Variants in CYP3A5 observed in about 807,000 individuals in gnomAD.
CYP3A5 encodes the protein cytochrome P450 3A5.
Under a neutral mutation model 55.9 loss-of-function variants are expected in CYP3A5, and 51 were observed. That is an observed-to-expected ratio of 0.91 (90% CI 0.73 to 1.15). The LOEUF is 1.15. Among genes scored for constraint, CYP3A5 ranks in the 50% most tolerant of loss-of-function variants. The pLI, the probability that CYP3A5 is intolerant of heterozygous loss-of-function variation, is 0.00. For missense variants in CYP3A5, 533 were observed against 596.6 expected, an observed-to-expected ratio of 0.89 and a Z score of 1.11; for synonymous variants, 196 against 213.9, an observed-to-expected ratio of 0.92 and a Z score of 0.73.
rs775307047 is a variant in CYP3A5 at position 99,679,898 on chromosome 7, G to T, written c.-2C>A. 6.2e-7 allele frequency: 1 copy of T among 1,613,628 alleles called. No homozygotes were observed. The highest frequency in any genetic ancestry group is 8.5e-7 in the Non-Finnish European group (1 of 1,179,600). On this transcript the variant is annotated 5_prime_UTR_variant, in exon 1 of 13. Transcript: ENST00000222982. Reference sequence around the variant, plus strand: ...CGCCAAATTTGGGATGAGGTCCATCGCCACTTTCCTTCTTCAACTGTGTTC... The same window carrying T: ...CGCCAAATTTGGGATGAGGTCCATCTCCACTTTCCTTCTTCAACTGTGTTC...
At position 99,676,039 on chromosome 7, in the gene CYP3A5, A is replaced by AG. The variant is rs906726194; in HGVS notation, c.165+75dup. Reference sequence around the variant, plus strand: ...GAAACCTCAGAACTCCCTCCCAAGGAGGGGCATTTTTACTGATGGAACTAA... The same window carrying AG: ...GAAACCTCAGAACTCCCTCCCAAGGAGGGGGCATTTTTACTGATGGAACTAA... On this transcript the variant is annotated intron_variant, in intron 2 of 12. Coordinates refer to ENST00000222982, the MANE Select transcript of CYP3A5 (RefSeq NM_000777.5). The AG allele has an allele frequency of 6.7e-5, 85 of 1,277,142 alleles. No individual in the cohort carries two copies. The Admixed American group carries it at 1.5e-3, about 22-fold the overall frequency. The allele number at this position is 1,277,142 out of a possible 1,614,324, so 79.1% of individuals were successfully genotyped here. A position where few individuals can be genotyped will look rare whatever the true frequency, so the allele number is the denominator to read the frequency against.
intron 1 of CYP3A5, chr7:99,676,654 A>G (rs956801840): frequency 2.4e-6 from 2 of 841,062 alleles, no homozygotes; most frequent in African/African-American, 3.5e-5. Flanking sequence ...ACTCAATCAC[A>G]GAGGGTCACT....
rs1333610068 is a variant in CYP3A5, at chr7:99,679,964, C to T, written c.-68G>A. 1.4e-6 allele frequency: 2 copies of T among 1,411,506 alleles called. No homozygotes were observed. Among genetic ancestry groups the T allele is most frequent in the East Asian group, 4.6e-5 (2 of 43,864 alleles). The allele number at this position is 1,411,506 out of a possible 1,614,324, so 87.4% of individuals were successfully genotyped here. A position where few individuals can be genotyped will look rare whatever the true frequency, so the allele number is the denominator to read the frequency against. On this transcript the variant is annotated 5_prime_UTR_variant, in exon 1 of 13. Transcript: ENST00000222982. ...TAGCTGAGTGCTGCTGTTTGCTGGGCTGTTTGCCTGGAGCTTCCCTGCCCT... is the reference window on the plus strand; with the variant it reads ...TAGCTGAGTGCTGCTGTTTGCTGGGTTGTTTGCCTGGAGCTTCCCTGCCCT...
At position 99,660,658 on chromosome 7, in the gene CYP3A5, A is replaced by T; in HGVS notation, c.867T>A (p.Ala289=). ...QNSKETESHK[A]LSDLELAAQS... is the part of the protein sequence containing the mutation. ...GGGCTGCGAGCTCCAGATCAGACAG[A>T]GCTGAAAGGAGAGGAAAGACATTTT... The change falls in exon 10 of 13, where the codon GCT becomes GCA. Residue 289 remains alanine, a splice_region_variant and synonymous_variant. Coordinates refer to ENST00000222982, the MANE Select transcript of CYP3A5 (RefSeq NM_000777.5). The T allele has an allele frequency of 6.2e-7, 1 of 1,613,682 alleles. No individual in the cohort carries two copies. Among genetic ancestry groups the T allele is most frequent in the South Asian group, 1.1e-5 (1 of 91,066 alleles).
In CYP3A5 at chr7:99,650,097, G is replaced by T. The variant is rs1412080130; in HGVS notation, c.1389C>A (p.Ser463=). The part of the protein sequence containing the change: ...LALIRVLQNF[S]FKPCKETQIP... The stretch of plus-strand genomic sequence containing the variant: ...CCTGTGTTTCTTTACAAGGTTTGAA[G>T]GAGAAGTTCTGAAGGACTCTGATTA... Residue 463 remains serine, a synonymous_variant, in exon 12 of 13, where the codon TCC becomes TCA. Transcript: ENST00000222982. 1 of 1,614,006 alleles carries T rather than the reference G, an allele frequency of 6.2e-7. No individual in the cohort carries two copies. Among genetic ancestry groups the T allele is most frequent in the East Asian group, 2.2e-5 (1 of 44,892 alleles).
At chr7:99,658,416 C>T (rs1271762822) in intron 10 of CYP3A5, among the ~76,000 whole-genome samples, 2 of 152,182 alleles carry the variant, frequency 1.3e-5, no homozygotes, top group African/African-American at 4.8e-5. Context: ...GGCCCCCACT[C>T]TCTACTGGCT....
At chr7:99,648,606 A>G (rs1808851414) in intron 12 of CYP3A5, among the ~76,000 whole-genome samples, 1 of 152,142 alleles carries the variant, frequency 6.6e-6, no homozygotes, top group African/African-American at 2.4e-5. Context: ...TCGTTTAACA[A>G]AATATTTATG....
rs1812034275 is a variant in CYP3A5, at chr7:99,674,583, AC to A, written c.167del (p.Gly56ValfsTer34). ...AGCACTCTGTGTCAAATTTCCAGAG[AC>A]CCTGGGAGAGGAAACAAAATACAAG... ...LLGNVLSYRQ[G>X]LWKFDTECYK... On this transcript the variant is annotated frameshift_variant and splice_region_variant, in exon 3 of 13. Coordinates refer to ENST00000222982, the MANE Select transcript of CYP3A5 (RefSeq NM_000777.5). LOFTEE classifies it high-confidence loss of function. The A allele has an allele frequency of 1.2e-6, 2 of 1,612,906 alleles. No individual in the cohort carries two copies. The highest frequency in any genetic ancestry group is 1.3e-5 in the African/African-American group (1 of 74,864).
At chr7:99,651,756 G>A (rs1042563850) in intron 11 of CYP3A5, among the ~76,000 whole-genome samples, 30 of 152,218 alleles carry the variant, frequency 2.0e-4, no homozygotes, top group Non-Finnish European at 2.2e-4. Context: ...TATCCAGAGT[G>A]CGAACTGTGC....
intron 10 of CYP3A5, chr7:99,660,152 T>C (rs1300698574): frequency 1.1e-6 from 1 of 869,710 alleles, no homozygotes; most frequent in Admixed American, 5.8e-5. Flanking sequence ...GTCTTCTGTG[T>C]TGCTCACGCT....
At chr7:99,675,305 A>G (rs192129703) in intron 2 of CYP3A5, among the ~76,000 whole-genome samples, 2 of 152,232 alleles carry the variant, frequency 1.3e-5, no homozygotes, top group Non-Finnish European at 2.9e-5. Context: ...TGTTTTAACC[A>G]TGCAAAAGAA....
intron 12 of CYP3A5, among the ~76,000 whole-genome samples, chr7:99,649,180 A>G (rs180744411): frequency 4.5e-4 from 69 of 152,316 alleles, no homozygotes; most frequent in African/African-American, 1.5e-3. Context: ...CAGGTGTGCC[A>G]GAGGCCCACT....
At chr7:99,656,591 C>T (rs1405099562) in intron 10 of CYP3A5, among the ~76,000 whole-genome samples, 2 of 152,144 alleles carry the variant, frequency 1.3e-5, no homozygotes, top group Admixed American at 1.3e-4. Flanking sequence ...TGATGCTGGC[C>T]TCATAAAATG....
Position 99,653,384 on chromosome 7 carries a change from G to A in CYP3A5, c.1027-605C>T, listed in dbSNP as rs568516414. On this transcript the variant is annotated intron_variant, in intron 10 of 12. Transcript: ENST00000222982. The surrounding 1 kb of genome is among the most constrained non-coding windows in gnomAD (Gnocchi z 4.2). ...GAGGATGGCTTGAGCCTGGGAGGCA[G>A]AGTTTGCAGTGAGCTGAGATTGCAC... 1.5e-3 allele frequency among the ~76,000 whole-genome samples: 222 copies of A among 152,208 alleles called. No individual in the cohort carries two copies. Among genetic ancestry groups the A allele is most frequent in the African/African-American group, 5.0e-3 (207 of 41,502 alleles).
chr7:99,658,464 T>G (rs1457381960), intron 10 of CYP3A5, among the ~76,000 whole-genome samples: 5 of 152,094 alleles, frequency 3.3e-5, no homozygotes. Flanking sequence ...GTTAGTCTGA[T>G]GGGTTTGTGT....
chr7:99,671,561 A>T, intron 4 of CYP3A5: 1 of 378,124 alleles, frequency 2.6e-6, no homozygotes. Context: ...CCTTGATCTA[A>T]ATCTCATAAC....
At chr7:99,679,029 G>A (rs562418720) in intron 1 of CYP3A5, among the ~76,000 whole-genome samples, 122 of 152,334 alleles carry the variant, frequency 8.0e-4, no homozygotes, top group Non-Finnish European at 1.4e-3. Flanking sequence ...TGCCTTTTCA[G>A]GCTGCTAGTA....
intron 1 of CYP3A5, 44 bp downstream of exon 1, chr7:99,679,782 C>T (rs1812658306): frequency 2.5e-6 from 4 of 1,597,434 alleles, no homozygotes; most frequent in Non-Finnish European, 3.4e-6. Context: ...GATTAGCACC[C>T]CAAGTCCAAG....
chr7:99,669,639 G>A (rs1811382260), intron 4 of CYP3A5, among the ~76,000 whole-genome samples: 1 of 152,112 alleles, frequency 6.6e-6, no homozygotes, highest in Non-Finnish European at 1.5e-5. Flanking sequence ...TTTATGCTTT[G>A]GTGATGGATG....
Sources: gnomAD v4.1 joint callset for allele counts (sites outside exome capture counted in the v4.1 genomes callset) on GRCh38, gnomAD v4.1.1 for gene constraint, Gnocchi (gnomAD v3.1) non-coding constraint, MANE v1.5 for transcripts, NCBI Gene and HGNC (gene_info 2026-07-23, HGNC 2026-07-21) for gene names.